CSNK1G1: variants seen among roughly 807,000 people sequenced by gnomAD.
The protein encoded by CSNK1G1 is casein kinase I isoform gamma-1.
CSNK1G1 carries 22 observed loss-of-function variants against 59.6 expected under a neutral mutation model. That is an observed-to-expected ratio of 0.37 (90% CI 0.26 to 0.53). The LOEUF is 0.53. Among genes scored for constraint, CSNK1G1 ranks in the 20% least tolerant of loss-of-function variants. The pLI, the probability that CSNK1G1 is intolerant of heterozygous loss-of-function variation, is 0.89. For synonymous variants in CSNK1G1, 179 were observed against 177.1 expected (o/e 1.01, Z -0.08); for missense variants, 384 against 519.5 (o/e 0.74, Z 2.54).
chr15:64,323,474 T>C (rs958688366), intron 1 of CSNK1G1, among the ~76,000 whole-genome samples: 2 of 152,074 alleles, frequency 1.3e-5, no homozygotes, highest in Non-Finnish European at 2.9e-5. Flanking sequence ...CAAGCGATTC[T>C]CCTGCCTCAG....
chr15:64,352,447 C>CTTTTT lies in CSNK1G1; in HGVS notation c.-225+3536_-225+3540dup, dbSNP rs1165768581. On this transcript the variant is annotated intron_variant, in intron 1 of 11. Transcript: ENST00000303052. ...ATCACAAAACATAATTTGAATTCTT[C>CTTTTT]TTTTTTTTTTTTTTTTTTTGAGATG... Among the ~76,000 whole-genome samples, 602 of 89,368 alleles carry CTTTTT rather than the reference C, an allele frequency of 6.7e-3. 43 individuals carry two copies. Among genetic ancestry groups the CTTTTT allele is most frequent in the African/African-American group, 0.015 (344 of 22,720 alleles). The allele number at this position is 89,368 out of a possible 152,430, so 58.6% of individuals were successfully genotyped here.
chr15:64,333,983 A>G (rs1318366929), intron 1 of CSNK1G1, among the ~76,000 whole-genome samples: 2 of 152,210 alleles, frequency 1.3e-5, no homozygotes, highest in African/African-American at 2.4e-5. Flanking sequence ...ATAGCCCTAG[A>G]TAGATAGATC....
intron 2 of CSNK1G1, among the ~76,000 whole-genome samples, chr15:64,271,545 T>A (rs2140350008): frequency 6.6e-6 from 1 of 152,320 alleles, no homozygotes; most frequent in East Asian, 1.9e-4. Context: ...CACCTTGGCC[T>A]CCCAAAGTGC....
intron 2 of CSNK1G1, chr15:64,265,835 CTT>C (rs1892950202): frequency 2.2e-6 from 1 of 456,394 alleles, no homozygotes; most frequent in Non-Finnish European, 4.4e-6. Context: ...ACTGCCAGCA[CTT>C]TAGCAGGAGG....
rs145438895 is a variant in CSNK1G1, at chr15:64,218,915, C to A, written c.293-2202G>T. Among the ~76,000 whole-genome samples, 45 of 147,392 alleles carry A rather than the reference C, an allele frequency of 3.1e-4. 2 individuals are homozygous for A. In the East Asian group the frequency reaches 9.0e-3, roughly 30 times the overall value. On this transcript the variant is annotated intron_variant, in intron 4 of 11. Transcript: ENST00000303052. ...TGTAGCCCAGGCTGGAGTGCACTGGCGCCATCTCGACTCACTGCAACCTCC... is the reference window on the plus strand; with the variant it reads ...TGTAGCCCAGGCTGGAGTGCACTGGAGCCATCTCGACTCACTGCAACCTCC...
chr15:64,285,880 CT>C (rs1403446317), intron 2 of CSNK1G1, among the ~76,000 whole-genome samples: 1 of 151,802 alleles, frequency 6.6e-6, no homozygotes, highest in Non-Finnish European at 1.5e-5. Context: ...AAAACGATGA[CT>C]TGTAATTCCT....
intron 10 of CSNK1G1, among the ~76,000 whole-genome samples, chr15:64,183,305 T>C (rs1023224620): frequency 6.6e-5 from 10 of 152,230 alleles, no homozygotes; most frequent in African/African-American, 2.4e-4. Flanking sequence ...CTAGACATCT[T>C]GTCTGTATCA....
chr15:64,169,044 A>G lies in CSNK1G1; in HGVS notation c.*2887T>C, dbSNP rs1171817852. ...AAGTACAGTCCCCTACAACTGATCC[A>G]GTAAAAATTTTAAGACAAAAAAAAA... On this transcript the variant is annotated 3_prime_UTR_variant, in exon 12 of 12. Transcript: ENST00000303052. 6.6e-6 allele frequency: 1 copy of G among 152,588 alleles called. No homozygotes were observed. Among genetic ancestry groups the G allele is most frequent in the Non-Finnish European group, 1.5e-5 (1 of 68,032 alleles). 9.5% of individuals were successfully genotyped at this position (152,588 alleles called of 1,614,324 possible).
At chr15:64,343,246 A>G (rs1036200976) in intron 1 of CSNK1G1, among the ~76,000 whole-genome samples, 3 of 9,634 alleles carry the variant, frequency 3.1e-4, no homozygotes, top group African/African-American at 6.0e-4. Flanking sequence ...CCTCTTCTAA[A>G]ATAGACCCCA....
chr15:64,196,169 A>T (rs2140236683), intron 10 of CSNK1G1, among the ~76,000 whole-genome samples: 1 of 152,220 alleles, frequency 6.6e-6, no homozygotes, highest in South Asian at 2.1e-4. Flanking sequence ...GTGAGCTGTG[A>T]TCACGCCACT....
At position 64,311,419 on chromosome 15, in the gene CSNK1G1, G is replaced by C. The variant is rs139605894; in HGVS notation, c.-224-10696C>G. ...ATAATAGCAATTACAGAAGGAGTTTGGATAATTTCCAGGTGTCAAAAAGGA... is the reference window on the plus strand; with the variant it reads ...ATAATAGCAATTACAGAAGGAGTTTCGATAATTTCCAGGTGTCAAAAAGGA... On this transcript the variant is annotated intron_variant, in intron 1 of 11. Transcript: ENST00000303052. Among the ~76,000 whole-genome samples, 469 of 152,226 alleles carry C rather than the reference G, an allele frequency of 3.1e-3. 1 individual carries two copies. Among genetic ancestry groups the C allele is most frequent in the African/African-American group, 0.011 (452 of 41,536 alleles).
At chr15:64,203,661 C>T (rs2082138416) in intron 9 of CSNK1G1, among the ~76,000 whole-genome samples, 1 of 138,380 alleles carries the variant, frequency 7.2e-6, no homozygotes, top group African/African-American at 2.9e-5. Context: ...CACACCATTG[C>T]ACTCCAGCCT....
intron 2 of CSNK1G1, among the ~76,000 whole-genome samples, chr15:64,263,014 G>A (rs959475823): frequency 1.3e-5 from 2 of 149,404 alleles, no homozygotes; most frequent in African/African-American, 5.0e-5. Flanking sequence ...AGGAGGCAGA[G>A]GTTGCAGTGA....
chr15:64,212,884 T>G (rs919877430), intron 6 of CSNK1G1, among the ~76,000 whole-genome samples: 5 of 151,972 alleles, frequency 3.3e-5, no homozygotes, highest in African/African-American at 1.2e-4. Flanking sequence ...TGCATGCCTG[T>G]AATCCCAGCT....
intron 2 of CSNK1G1, among the ~76,000 whole-genome samples, chr15:64,260,639 G>A (rs1275178100): frequency 6.6e-6 from 1 of 152,104 alleles, no homozygotes; most frequent in Non-Finnish European, 1.5e-5. Flanking sequence ...TTGGGAGGCT[G>A]AGGTGGGAAA....
At position 64,188,329 on chromosome 15, in the gene CSNK1G1, A is replaced by T. The variant is rs1184296522; in HGVS notation, c.1108-7875T>A. ...TTCAGAAGCAAGCCAACATTCCACC[A>T]GCCAAGCTGGAAAGGCCAGGAAAAG... On this transcript the variant is annotated intron_variant, in intron 10 of 11. Transcript: ENST00000303052. This position sits in a 1 kb window ranked among gnomAD's most constrained non-coding sequence, Gnocchi z 4.2. 1.4e-6 allele frequency: 2 copies of T among 1,427,460 alleles called. No individual in the cohort carries two copies. Among genetic ancestry groups the T allele is most frequent in the Non-Finnish European group, 1.9e-6 (2 of 1,053,748 alleles). The allele number at this position is 1,427,460 out of a possible 1,614,324, so 88.4% of individuals were successfully genotyped here. A position where few individuals can be genotyped will look rare whatever the true frequency, so the allele number is the denominator to read the frequency against.
At chr15:64,237,690 T>C (rs2082634255) in intron 4 of CSNK1G1, among the ~76,000 whole-genome samples, 1 of 152,216 alleles carries the variant, frequency 6.6e-6, no homozygotes, top group African/African-American at 2.4e-5. Flanking sequence ...AAGGGTCTTA[T>C]CAATATTACA....
chr15:64,264,534 C>T (rs1892877599), intron 2 of CSNK1G1, among the ~76,000 whole-genome samples: 1 of 152,204 alleles, frequency 6.6e-6, no homozygotes, highest in African/African-American at 2.4e-5. Flanking sequence ...CTGAGTCCAG[C>T]ATTACACTGA....
At chr15:64,277,370 T>C (rs933653975) in intron 2 of CSNK1G1, among the ~76,000 whole-genome samples, 1 of 151,782 alleles carries the variant, frequency 6.6e-6, no homozygotes, top group Admixed American at 6.6e-5. Flanking sequence ...GAGGCTGAGA[T>C]GGGAGGATCC....
Sources: allele counts gnomAD v4.1 joint callset (sites outside exome capture counted in the v4.1 genomes callset), GRCh38; gene constraint gnomAD v4.1.1; non-coding constraint Gnocchi (gnomAD v3.1); transcripts MANE v1.5; gene names NCBI Gene and HGNC (gene_info 2026-07-23, HGNC 2026-07-21).